The following IL2RA variants were observed in gnomAD, a reference collection of about 807,000 sequenced individuals.
IL2RA encodes the protein interleukin 2 receptor subunit alpha, also known as interleukin-2 receptor subunit alpha.
IL2RA carries 24 observed loss-of-function variants against 37.8 expected under a neutral mutation model. The observed-to-expected ratio is 0.63, with a 90% CI of 0.46 to 0.89. The LOEUF (loss-of-function observed/expected upper bound fraction) is 0.89. Ranked by LOEUF, IL2RA falls within the 40% of genes least tolerant of loss-of-function variation. The probability of loss-of-function intolerance (pLI) is 0.00; values close to 1 mark genes in which losing one functional copy is unlikely to be tolerated. For synonymous variants in IL2RA, 125 were observed against 114.6 expected (o/e 1.09, Z -0.58); for missense variants, 319 against 348.6 (o/e 0.92, Z 0.68).
rs1014297745 is a variant in IL2RA, at chr10:6,028,700, A to G, written c.65-2675T>C. On this transcript the variant is annotated intron_variant, in intron 1 of 7. Transcript: ENST00000379959. This position sits in a 1 kb window ranked among gnomAD's most constrained non-coding sequence, Gnocchi z 4.1. ...TGACCTACTCAAAAAAGTGCTCAAT[A>G]GAAACAGACCCGTAAAATTGGGTGT... is the stretch of plus-strand genomic sequence containing the variant. 2.6e-5 allele frequency among the ~76,000 whole-genome samples: 4 copies of G among 152,234 alleles called. No individual in the cohort carries two copies. The highest frequency in any genetic ancestry group is 2.6e-4 in the Admixed American group (4 of 15,276).
At position 6,035,642 on chromosome 10, in the gene IL2RA, C is replaced by T. The variant is rs1839668259; in HGVS notation, c.65-9617G>A. 6.6e-6 allele frequency among the ~76,000 whole-genome samples: 1 copy of T among 152,162 alleles called. No homozygotes were observed. The highest frequency in any genetic ancestry group is 2.4e-5 in the African/African-American group (1 of 41,448). On this transcript the variant is annotated intron_variant, in intron 1 of 7. Coordinates refer to ENST00000379959, the MANE Select transcript of IL2RA (RefSeq NM_000417.3). The surrounding 1 kb of genome is among the most constrained non-coding windows in gnomAD (Gnocchi z 5.4). ...CGGGCTCTGCGGTGATGTGGCCTTC[C>T]TCTTTAGTTTTTGTGCCTTTTATGT...
rs1041902413 is a variant in IL2RA, at chr10:6,033,333, C to CA, written c.65-7309dup. On this transcript the variant is annotated intron_variant, in intron 1 of 7. Coordinates refer to ENST00000379959, the MANE Select transcript of IL2RA (RefSeq NM_000417.3). This position sits in a 1 kb window ranked among gnomAD's most constrained non-coding sequence, Gnocchi z 4.3. ...CAAACAAACAACAACAAAAAAAAAA[C>CA]AAAAAAAGAAAGTATTTTTATTGAC... is the stretch of plus-strand genomic sequence containing the variant. 6.6e-5 allele frequency among the ~76,000 whole-genome samples: 10 copies of CA among 150,442 alleles called. No homozygotes were observed. In the East Asian group the frequency reaches 1.8e-3, roughly 26 times the overall value.
intron 1 of IL2RA, among the ~76,000 whole-genome samples, chr10:6,043,070 G>A (rs900969143): frequency 6.6e-6 from 1 of 152,156 alleles, no homozygotes; most frequent in South Asian, 2.1e-4. Context: ...GTTTATTAGA[G>A]CATTGCTTGT....
In IL2RA at chr10:6,012,723, G is replaced by C. The variant is rs531582979; in HGVS notation, c.*149C>G. 2.5e-6 allele frequency: 2 copies of C among 810,554 alleles called. No homozygotes were observed. The highest frequency in any genetic ancestry group is 5.1e-5 in the East Asian group (2 of 39,416). The allele number at this position is 810,554 out of a possible 1,614,324, so 50.2% of individuals were successfully genotyped here. A position where few individuals can be genotyped will look rare whatever the true frequency, so the allele number is the denominator to read the frequency against. On this transcript the variant is annotated 3_prime_UTR_variant, in exon 8 of 8. Coordinates refer to ENST00000379959, the MANE Select transcript of IL2RA (RefSeq NM_000417.3). The surrounding 1 kb of genome is among the most constrained non-coding windows in gnomAD (Gnocchi z 4.8). ...CAAGGTTGCCACTGCCCCGTGTCCTGTGATGTGACTTCAGAGCTTCCAAAA... is the reference window on the plus strand; with the variant it reads ...CAAGGTTGCCACTGCCCCGTGTCCTCTGATGTGACTTCAGAGCTTCCAAAA...
Position 6,018,250 on chromosome 10 carries a change from C to T in IL2RA, c.728-131G>A, listed in dbSNP as rs1779678972. 4 of 722,584 alleles carry T rather than the reference C, an allele frequency of 5.5e-6. No homozygotes were observed. In the Admixed American group the frequency reaches 8.1e-5, roughly 15 times the overall value. 44.8% of individuals were successfully genotyped at this position (722,584 alleles called of 1,614,324 possible). On this transcript the variant is annotated intron_variant, in intron 6 of 7. Coordinates refer to ENST00000379959, the MANE Select transcript of IL2RA (RefSeq NM_000417.3). This position sits in a 1 kb window ranked among gnomAD's most constrained non-coding sequence, Gnocchi z 5.1. ...GGAGGCTGCAGCCTCTCTTCCCTGT[C>T]TCAGGAAGTAGGTCCCTCCCCATGG...
intron 1 of IL2RA, among the ~76,000 whole-genome samples, chr10:6,037,634 C>T (rs1013706821): frequency 2.0e-5 from 3 of 152,194 alleles, no homozygotes; most frequent in Admixed American, 6.5e-5. Context: ...CTTGCTCTAA[C>T]GCGGTTCATC....
At position 6,019,472 on chromosome 10, in the gene IL2RA, G is replaced by A. The variant is rs767085799; in HGVS notation, c.683C>T (p.Ala228Val). The stretch of plus-strand genomic sequence containing the variant: ...TGTAAATATGGACGTCTCCATGGTT[G>A]CAGCCATTTCTGTCTGTATTTGAAA... ...TDFQIQTEMA[A>V]TMETSIFTTE... is the part of the protein sequence containing the mutation. The change falls in exon 6 of 8, where the codon GCA (alanine) becomes GTA (valine). Residue 228 changes from alanine (A) to valine (V), a missense_variant. Coordinates refer to ENST00000379959, the MANE Select transcript of IL2RA (RefSeq NM_000417.3). 3.9e-5 allele frequency: 63 copies of A among 1,613,384 alleles called. No homozygotes were observed. Among genetic ancestry groups the A allele is most frequent in the Non-Finnish European group, 4.4e-5 (52 of 1,179,372 alleles).
In IL2RA at chr10:6,048,348, C is replaced by T. The variant is rs1354175145; in HGVS notation, c.64+13740G>A. 6.6e-6 allele frequency among the ~76,000 whole-genome samples: 1 copy of T among 152,178 alleles called. No homozygotes were observed. Among genetic ancestry groups the T allele is most frequent in the Non-Finnish European group, 1.5e-5 (1 of 68,032 alleles). ...CTGGGCGATGGGGAGGATGGGGTGC[C>T]ATTCATTGAGATAGCAAAGAGAGGA... On this transcript the variant is annotated intron_variant, in intron 1 of 7. Transcript: ENST00000379959. The surrounding 1 kb of genome is among the most constrained non-coding windows in gnomAD (Gnocchi z 5.3).
rs796305969 is a variant in IL2RA, at chr10:6,018,485, GT to G, written c.728-367del. Among the ~76,000 whole-genome samples, 121 of 152,274 alleles carry G rather than the reference GT, an allele frequency of 7.9e-4. 1 individual carries two copies. Among genetic ancestry groups the G allele is most frequent in the African/African-American group, 2.7e-3 (113 of 41,564 alleles). On this transcript the variant is annotated intron_variant, in intron 6 of 7. Transcript: ENST00000379959. This position sits in a 1 kb window ranked among gnomAD's most constrained non-coding sequence, Gnocchi z 5.1. ...ATTAACATCTCCTGAAAGAGGTCGG[GT>G]TTTCCAGATGCTGCTCTGCTGAGGT...
rs74162095 is a variant in IL2RA, at chr10:6,024,264, A to G, written c.347T>C (p.Val116Ala). The part of the protein sequence containing the change: ...TTEMQSPMQP[V>A]DQASLPGHCR... ...CTCACCTGGAAGGCTCGCTTGGTCC[A>G]CTGGCTGCATTGGACTTTGCATTTC... The change falls in exon 3 of 8, where the codon GTG (valine) becomes GCG (alanine). Residue 116 changes from valine to alanine, a missense_variant. Physicochemically the swap from Val to Ala is moderately conservative, Grantham distance 64 (BLOSUM62 0). Coordinates refer to ENST00000379959, the MANE Select transcript of IL2RA (RefSeq NM_000417.3). The G allele has an allele frequency of 2.6e-5, 42 of 1,613,578 alleles. No homozygotes were observed. Among genetic ancestry groups the G allele is most frequent in the Non-Finnish European group, 3.5e-5 (41 of 1,179,484 alleles).
At position 6,025,760 on chromosome 10, in the gene IL2RA, G is replaced by A. The variant is rs559570693; in HGVS notation, c.256+74C>T. The A allele has an allele frequency of 1.6e-4, 231 of 1,437,280 alleles. 5 individuals are homozygous for A. The highest frequency in any genetic ancestry group is 1.1e-3 in the South Asian group (94 of 86,774). 89.0% of individuals were successfully genotyped at this position (1,437,280 alleles called of 1,614,324 possible). On this transcript the variant is annotated intron_variant, in intron 2 of 7. Transcript: ENST00000379959. This position sits in a 1 kb window ranked among gnomAD's most constrained non-coding sequence, Gnocchi z 4.4. ...CCCATTTGTGTCTATAGGGCTGAGTGAACAAAAGCTGGGCTCTGTCTCACT... is the reference window on the plus strand; with the variant it reads ...CCCATTTGTGTCTATAGGGCTGAGTAAACAAAAGCTGGGCTCTGTCTCACT...
chr10:6,024,074 T>G (rs1246635866), intron 3 of IL2RA, among the ~76,000 whole-genome samples, 170 bp downstream of exon 3: 1 of 152,240 alleles, frequency 6.6e-6, no homozygotes, highest in Non-Finnish European at 1.5e-5. Flanking sequence ...AAACAGCCTC[T>G]GAGCAACTCT....
chr10:6,062,042 G>A (rs771675867), intron 1 of IL2RA, 46 bp downstream of exon 1: 1 of 1,470,270 alleles, frequency 6.8e-7, no homozygotes, highest in South Asian at 1.1e-5. Context: ...GAAGAGGGAT[G>A]CCCATCAGCC....
rs1002923967 is a variant in IL2RA, at chr10:6,020,753, G to A, written c.583+725C>T. On this transcript the variant is annotated intron_variant, in intron 4 of 7. Transcript: ENST00000379959. This position sits in a 1 kb window ranked among gnomAD's most constrained non-coding sequence, Gnocchi z 5.6. ...TCACCATGTTGGCCAGGCTGGTCTC[G>A]AACTCCTGACCTAAAGTGATCTGCC... Among the ~76,000 whole-genome samples, 5 of 152,056 alleles carry A rather than the reference G, an allele frequency of 3.3e-5. No individual in the cohort carries two copies. The highest frequency in any genetic ancestry group is 7.2e-5 in the African/African-American group (3 of 41,400).
rs956211958 is a variant in IL2RA at position 6,014,881 on chromosome 10, G to A, written c.795-1985C>T. On this transcript the variant is annotated intron_variant, in intron 7 of 7. Transcript: ENST00000379959. The surrounding 1 kb of genome is among the most constrained non-coding windows in gnomAD (Gnocchi z 4.4). ...ATGGACCTGATGACCCATATAAGAA[G>A]GGAAGAGATATTTTATTTTTCTCTC... is the stretch of plus-strand genomic sequence containing the variant. Among the ~76,000 whole-genome samples, 1 of 151,968 alleles carries A rather than the reference G, an allele frequency of 6.6e-6. No individual in the cohort carries two copies. Among genetic ancestry groups the A allele is most frequent in the African/African-American group, 2.4e-5 (1 of 41,364 alleles).
In IL2RA at chr10:6,012,712, C is replaced by T; in HGVS notation, c.*160G>A. On this transcript the variant is annotated 3_prime_UTR_variant, in exon 8 of 8. Coordinates refer to ENST00000379959, the MANE Select transcript of IL2RA (RefSeq NM_000417.3). The surrounding 1 kb of genome is among the most constrained non-coding windows in gnomAD (Gnocchi z 4.8). ...TGGCATAGAGACAAGGTTGCCACTG[C>T]CCCGTGTCCTGTGATGTGACTTCAG... The T allele has an allele frequency of 1.3e-6, 1 of 747,816 alleles. No homozygotes were observed. Among genetic ancestry groups the T allele is most frequent in the Non-Finnish European group, 2.4e-6 (1 of 415,658 alleles). The allele number at this position is 747,816 out of a possible 1,614,324, so 46.3% of individuals were successfully genotyped here. A position where few individuals can be genotyped will look rare whatever the true frequency, so the allele number is the denominator to read the frequency against.
At chr10:6,061,209 CA>C in intron 1 of IL2RA, among the ~76,000 whole-genome samples, 1 of 152,044 alleles carries the variant, frequency 6.6e-6, no homozygotes, top group South Asian at 2.1e-4. Context: ...GGCAACATGG[CA>C]AAAACCCCAT....
At chr10:6,019,665 G>T (rs765837986) in intron 5 of IL2RA, among the ~76,000 whole-genome samples, 166 bp from the exon 6 acceptor site, 3 of 152,218 alleles carry the variant, frequency 2.0e-5, no homozygotes, top group Non-Finnish European at 2.9e-5. Context: ...GACCGTGCTT[G>T]GTCCTGGTCC....
Position 6,046,150 on chromosome 10 carries a change from A to C in IL2RA, c.64+15938T>G, listed in dbSNP as rs753656916. ...TGTACCCCTTTTCCTTCCTGCTCTC[A>C]AGAATTCACACTCCGTTTTACACAA... is the stretch of plus-strand genomic sequence containing the variant. On this transcript the variant is annotated intron_variant, in intron 1 of 7. Coordinates refer to ENST00000379959, the MANE Select transcript of IL2RA (RefSeq NM_000417.3). This position sits in a 1 kb window ranked among gnomAD's most constrained non-coding sequence, Gnocchi z 4.8. 1.3e-5 allele frequency among the ~76,000 whole-genome samples: 2 copies of C among 152,140 alleles called. No individual in the cohort carries two copies. The highest frequency in any genetic ancestry group is 2.9e-5 in the Non-Finnish European group (2 of 68,016).
Sources: allele counts gnomAD v4.1 joint callset (sites outside exome capture counted in the v4.1 genomes callset), GRCh38; gene constraint gnomAD v4.1.1; non-coding constraint Gnocchi (gnomAD v3.1); transcripts MANE v1.5; gene names NCBI Gene and HGNC (gene_info 2026-07-23, HGNC 2026-07-21).